GALNT11: variants seen among roughly 807,000 people sequenced by gnomAD.
The protein encoded by GALNT11 is UDP-GalNAc:polypeptide N-acetylgalactosaminyltransferase 11.
Under a neutral mutation model 72.7 loss-of-function variants are expected in GALNT11, and 47 were observed. The ratio of observed to expected loss-of-function variants is 0.65; its 90% CI spans 0.51 to 0.82. GALNT11 has a LOEUF of 0.82. Among genes scored for constraint, GALNT11 ranks in the 40% least tolerant of loss-of-function variants. The probability of loss-of-function intolerance (pLI) is 0.00; values close to 1 mark genes in which losing one functional copy is unlikely to be tolerated. For missense variants in GALNT11, 677 were observed against 778.4 expected, an observed-to-expected ratio of 0.87 and a Z score of 1.55; for synonymous variants, 270 against 286.6, an observed-to-expected ratio of 0.94 and a Z score of 0.58.
chr7:152,031,340 G>A (rs1704160507), intron 1 of GALNT11, among the ~76,000 whole-genome samples: 1 of 152,216 alleles, frequency 6.6e-6, no homozygotes, highest in South Asian at 2.1e-4. Context: ...TTTGTTGGCA[G>A]TCATGCTCGA....
intron 1 of GALNT11, among the ~76,000 whole-genome samples, chr7:152,042,074 C>T (rs1289347313): frequency 6.6e-6 from 1 of 152,096 alleles, no homozygotes; most frequent in East Asian, 1.9e-4. Flanking sequence ...AATTGCTTGC[C>T]CTACATATAT....
chr7:152,116,482 G>A (rs1328294812), intron 8 of GALNT11, among the ~76,000 whole-genome samples: 2 of 152,044 alleles, frequency 1.3e-5, no homozygotes, highest in East Asian at 3.9e-4. Flanking sequence ...TAAGTGATCC[G>A]CCTGCCTTGG....
intron 1 of GALNT11, among the ~76,000 whole-genome samples, chr7:152,093,437 T>C (rs536250282): frequency 6.6e-6 from 1 of 152,110 alleles, no homozygotes; most frequent in Non-Finnish European, 1.5e-5. Context: ...TTTATTTTTA[T>C]TGTTTTGAGA....
intron 1 of GALNT11, among the ~76,000 whole-genome samples, chr7:152,038,548 G>T (rs1385417902): frequency 6.6e-6 from 1 of 152,242 alleles, no homozygotes; most frequent in African/African-American, 2.4e-5. Context: ...TCACAGTGCT[G>T]CAGAGATTTT....
intron 1 of GALNT11, among the ~76,000 whole-genome samples, chr7:152,087,431 A>G (rs994644016): frequency 2.6e-5 from 4 of 152,206 alleles, no homozygotes; most frequent in Admixed American, 1.3e-4. Flanking sequence ...TTGACCCACA[A>G]GGAGACCTGT....
intron 8 of GALNT11, among the ~76,000 whole-genome samples, chr7:152,115,219 T>C (rs2088709376): frequency 6.6e-6 from 1 of 152,204 alleles, no homozygotes; most frequent in Non-Finnish European, 1.5e-5. Flanking sequence ...GTCAGGTTAA[T>C]ACAGTATTTG....
rs1026360961 is a variant in GALNT11 at position 152,090,530 on chromosome 7, T to C, written c.-38-3660T>C. 2.0e-5 allele frequency among the ~76,000 whole-genome samples: 3 copies of C among 152,256 alleles called. No individual in the cohort carries two copies. The East Asian group carries it at 5.8e-4, about 29-fold the overall frequency. On this transcript the variant is annotated intron_variant, in intron 1 of 11. Transcript: ENST00000430044. Reference sequence around the variant, plus strand: ...CTGTAGTGTTCATTTGCACATTTTGTAACCTTTCTAGTTACTTCGTTACCA... The same window carrying C: ...CTGTAGTGTTCATTTGCACATTTTGCAACCTTTCTAGTTACTTCGTTACCA...
intron 1 of GALNT11, among the ~76,000 whole-genome samples, chr7:152,051,355 C>A (rs1016540702): frequency 4.0e-5 from 6 of 151,540 alleles, no homozygotes; most frequent in Non-Finnish European, 7.4e-5. Context: ...TGTACAACTT[C>A]ATATATTTTT....
At chr7:152,058,073 TCA>T (rs1287383887) in intron 1 of GALNT11, among the ~76,000 whole-genome samples, 3 of 152,186 alleles carry the variant, frequency 2.0e-5, no homozygotes, top group Non-Finnish European at 4.4e-5. Context: ...ACAAAGTGAA[TCA>T]CACACATTTT....
At chr7:152,079,495 G>GT (rs747971043) in intron 1 of GALNT11, 5 of 152,134 alleles carry the variant, frequency 3.3e-5, no homozygotes, top group Non-Finnish European at 7.4e-5. Context: ...TTACCTTGTG[G>GT]TTTTCTTCTG....
At chr7:152,033,733 C>T (rs1479024370) in intron 1 of GALNT11, among the ~76,000 whole-genome samples, 5 of 152,104 alleles carry the variant, frequency 3.3e-5, no homozygotes, top group Non-Finnish European at 4.4e-5. Context: ...CAGATGTTTA[C>T]GACTCCAGTC....
chr7:152,109,077 T>A (rs1009794611), intron 6 of GALNT11, among the ~76,000 whole-genome samples: 1 of 152,252 alleles, frequency 6.6e-6, no homozygotes, highest in Non-Finnish European at 1.5e-5. Flanking sequence ...AAGCCATTTC[T>A]TACGTAGCAG....
intron 4 of GALNT11, 79 bp from the exon 5 acceptor site, chr7:152,105,154 TAGCAAGTACTAG>T: frequency 7.4e-7 from 1 of 1,355,670 alleles, no homozygotes; most frequent in Non-Finnish European, 9.9e-7. Context: ...TTGTAAATTT[TAGCAAGTACTAG>T]ATACAACTTT....
At position 152,031,949 on chromosome 7, in the gene GALNT11, T is replaced by G. The variant is rs915672559; in HGVS notation, c.-39+6065T>G. On this transcript the variant is annotated intron_variant, in intron 1 of 11. Coordinates refer to ENST00000430044, the MANE Select transcript of GALNT11 (RefSeq NM_022087.4). Reference sequence around the variant, plus strand: ...CCACAACTGTTTTAAAGTCTTAGGGTGAGGATAAGCCAGTATAGGCTGTAT... The same window carrying G: ...CCACAACTGTTTTAAAGTCTTAGGGGGAGGATAAGCCAGTATAGGCTGTAT... Among the ~76,000 whole-genome samples the G allele has an allele frequency of 5.9e-5, 9 of 152,124 alleles. 1 individual carries two copies. Among genetic ancestry groups the G allele is most frequent in the African/African-American group, 2.2e-4 (9 of 41,426 alleles).
intron 1 of GALNT11, among the ~76,000 whole-genome samples, chr7:152,033,218 A>G (rs183819758): frequency 2.6e-5 from 4 of 152,226 alleles, no homozygotes; most frequent in East Asian, 3.9e-4. Context: ...GACATGGATG[A>G]GGGGGTGGCT....
At chr7:152,096,530 A>G (rs1011538140) in intron 2 of GALNT11, among the ~76,000 whole-genome samples, 1 of 152,096 alleles carries the variant, frequency 6.6e-6, no homozygotes, top group Non-Finnish European at 1.5e-5. Context: ...CAGCCTGACC[A>G]ACGTGGCGAA....
At chr7:152,115,956 T>C (rs2088803408) in intron 8 of GALNT11, among the ~76,000 whole-genome samples, 1 of 152,106 alleles carries the variant, frequency 6.6e-6, no homozygotes, top group Non-Finnish European at 1.5e-5. Flanking sequence ...CTCAGGAGGC[T>C]GAGGCAGGAG....
chr7:152,113,712 CTTTTTTTTTTTTTTTTTTTTTTT>C (rs6150397), intron 8 of GALNT11, among the ~76,000 whole-genome samples: 160 of 97,022 alleles, frequency 1.6e-3, no homozygotes, highest in Middle Eastern at 6.0e-3. Context: ...AGTTGGCTTT[CTTTTTTTTTTTTTTTTTTTTTTT>C]TTTTTTTTTT....
intron 7 of GALNT11, 149 bp from the exon 8 acceptor site, chr7:152,113,094 CCTT>C (rs2088421189): frequency 2.6e-6 from 2 of 767,898 alleles, no homozygotes; most frequent in Admixed American, 2.9e-5. Context: ...CTTCTCATTT[CCTT>C]CTATTTGAAT....
Sources: allele counts gnomAD v4.1 joint callset (sites outside exome capture counted in the v4.1 genomes callset), GRCh38; gene constraint gnomAD v4.1.1; transcripts MANE v1.5; gene names NCBI Gene and HGNC (gene_info 2026-07-23, HGNC 2026-07-21).